TMEM220: variants seen among roughly 807,000 people sequenced by gnomAD.
TMEM220 encodes transmembrane protein 220.
In TMEM220, 21 loss-of-function variants were observed where a neutral mutation model predicts 21.7. The observed-to-expected ratio is 0.97, with a 90% CI of 0.69 to 1.39. The LOEUF (loss-of-function observed/expected upper bound fraction) is 1.39. TMEM220 is among the 40% of genes most tolerant of loss of function. The probability of loss-of-function intolerance (pLI) is 0.00; values close to 1 mark genes in which losing one functional copy is unlikely to be tolerated. For missense variants in TMEM220, 191 were observed against 201.9 expected (o/e 0.95, Z 0.33); for synonymous variants, 80 against 73.6 (o/e 1.09, Z -0.45).
At chr17:10,721,879 T>C (rs990342961) in intron 5 of TMEM220, among the ~76,000 whole-genome samples, 2 of 152,148 alleles carry the variant, frequency 1.3e-5, no homozygotes, top group Non-Finnish European at 1.5e-5. Context: ...AATTGCAATA[T>C]TGTATTTCAT....
rs745652655 is a variant in TMEM220 at position 10,715,599 on chromosome 17, A to T, written c.348-11T>A. On this transcript the variant is annotated splice_polypyrimidine_tract_variant and intron_variant, in intron 5 of 5. Coordinates refer to ENST00000341871, the MANE Select transcript of TMEM220 (RefSeq NM_001004313.3). ...CCACCAACTGGATTCCTATAAAGAC[A>T]CAAAAATTATTATAAATAAAAATCA... is the stretch of plus-strand genomic sequence containing the variant. The T allele has an allele frequency of 3.2e-5, 50 of 1,557,462 alleles. No individual in the cohort carries two copies. Among genetic ancestry groups the T allele is most frequent in the Non-Finnish European group, 4.0e-5 (46 of 1,162,268 alleles).
chr17:10,728,933 T>C, intron 2 of TMEM220, 98 bp downstream of exon 2: 1 of 1,310,516 alleles, frequency 7.6e-7, no homozygotes, highest in Non-Finnish European at 1.1e-6. Context: ...TCTCAGAAAA[T>C]TAAGCAGGGA....
chr17:10,722,399 A>G (rs1010077665), intron 5 of TMEM220, among the ~76,000 whole-genome samples: 5 of 152,144 alleles, frequency 3.3e-5, no homozygotes, highest in African/African-American at 9.7e-5. Flanking sequence ...TTGGGTTTAA[A>G]TCTATATCTT....
chr17:10,712,061 T>C (rs554739700), downstream of TMEM220, among the ~76,000 whole-genome samples: 1 of 152,334 alleles, frequency 6.6e-6, no homozygotes, highest in South Asian at 2.1e-4. Context: ...CTTGTTCTCT[T>C]GCAGTTCTGG....
chr17:10,715,660 G>A, intron 5 of TMEM220, 72 bp from the exon 6 acceptor site: 1 of 1,144,226 alleles, frequency 8.7e-7, no homozygotes, highest in Non-Finnish European at 1.2e-6. Flanking sequence ...AGACTGAATT[G>A]ATAAAACACA....
chr17:10,714,641 G>C lies in TMEM220; in HGVS notation c.*812C>G, dbSNP rs942387025. ...ATAAGATTAGTTTAGGGCTGGACTG[G>C]GCATGGTGGCTCACACCTGTAATCC... On this transcript the variant is annotated 3_prime_UTR_variant, in exon 6 of 6. Coordinates refer to ENST00000341871, the MANE Select transcript of TMEM220 (RefSeq NM_001004313.3). The C allele has an allele frequency of 6.6e-6, 1 of 152,444 alleles. No individual in the cohort carries two copies. Among genetic ancestry groups the C allele is most frequent in the African/African-American group, 2.4e-5 (1 of 41,424 alleles). 9.4% of individuals were successfully genotyped at this position (152,444 alleles called of 1,614,324 possible). A position where few individuals can be genotyped will look rare whatever the true frequency, so the allele number is the denominator to read the frequency against.
At chr17:10,718,578 ATGTT>A (rs1254125089) in intron 5 of TMEM220, among the ~76,000 whole-genome samples, 2 of 152,042 alleles carry the variant, frequency 1.3e-5, no homozygotes, top group Non-Finnish European at 2.9e-5. Flanking sequence ...TTATGTCTAT[ATGTT>A]TCCCTCTAAG....
chr17:10,711,319 C>T, downstream of TMEM220: 1 of 633,350 alleles, frequency 1.6e-6, no homozygotes, highest in Non-Finnish European at 2.7e-6. Context: ...GATCATGTAT[C>T]CATTGTAAGT....
chr17:10,715,668 A>G (rs536151435), intron 5 of TMEM220, 80 bp from the exon 6 acceptor site: 3 of 1,056,894 alleles, frequency 2.8e-6, no homozygotes, highest in African/African-American at 3.3e-5. Flanking sequence ...TTGATAAAAC[A>G]CATAATTACA....
Position 10,715,227 on chromosome 17 carries a change from T to C in TMEM220, c.*226A>G. The C allele has an allele frequency of 2.7e-6, 1 of 366,098 alleles. No individual in the cohort carries two copies. Among genetic ancestry groups the C allele is most frequent in the South Asian group, 5.2e-5 (1 of 19,146 alleles). 22.7% of individuals were successfully genotyped at this position (366,098 alleles called of 1,614,324 possible). ...ACTTCTATTCTCTAGCCTTTTCCAC[T>C]ACATTATGACACAAGACCCTGCAGA... On this transcript the variant is annotated 3_prime_UTR_variant, in exon 6 of 6. Coordinates refer to ENST00000341871, the MANE Select transcript of TMEM220 (RefSeq NM_001004313.3).
In TMEM220 at chr17:10,715,485, A is replaced by G. The variant is rs1255861101; in HGVS notation, c.451T>C (p.Ser151Pro). ...YIYINKEMRSSWPTHCKTVI is the reference protein window; with the variant it reads ...YIYINKEMRSPWPTHCKTVI ...ACTGTCTTGCAGTGAGTTGGCCAAG[A>G]GGACCGCATTTCCTTGTTAATATAT... Residue 151 changes from serine to proline, a missense_variant, in exon 6 of 6, where the codon TCT (serine) becomes CCT (proline). Transcript: ENST00000341871. The G allele has an allele frequency of 6.3e-7, 1 of 1,597,262 alleles. No homozygotes were observed. Among genetic ancestry groups the G allele is most frequent in the South Asian group, 1.2e-5 (1 of 86,128 alleles).
intron 2 of TMEM220, among the ~76,000 whole-genome samples, chr17:10,727,342 G>C (rs1218962660): frequency 6.6e-6 from 1 of 152,048 alleles, no homozygotes; most frequent in Non-Finnish European, 1.5e-5. Context: ...GGCTCTCCAA[G>C]GCAGTGGTAA....
rs150176331 is a variant in TMEM220, at chr17:10,726,259, C to T, written c.108G>A (p.Val36=). 1.5e-4 allele frequency: 241 copies of T among 1,613,694 alleles called. No individual in the cohort carries two copies. The highest frequency in any genetic ancestry group is 3.3e-4 in the Middle Eastern group (2 of 6,084). ...GGGTCAGTACTGCAGGGATTGTGTA[C>T]ACCACCTGTTAGCAAAAAGGGAGGA... is the stretch of plus-strand genomic sequence containing the variant. ...NDPDAEVWVV[V]YTIPAVLTLL... is the part of the protein sequence containing the mutation. The change falls in exon 3 of 6, where the codon GTG becomes GTA. Residue 36 remains valine, a synonymous_variant. Transcript: ENST00000341871.
intron 2 of TMEM220, among the ~76,000 whole-genome samples, chr17:10,727,153 A>G (rs2075057862): frequency 6.6e-6 from 1 of 151,474 alleles, no homozygotes; most frequent in South Asian, 2.1e-4. Flanking sequence ...CTATAGAGAT[A>G]AGCAATTAGA....
rs1468665602 is a variant in TMEM220 at position 10,714,359 on chromosome 17, A to G, written c.*1094T>C. 1.3e-5 allele frequency: 2 copies of G among 151,882 alleles called. No homozygotes were observed. The highest frequency in any genetic ancestry group is 2.9e-5 in the Non-Finnish European group (2 of 67,954). The allele number at this position is 151,882 out of a possible 1,614,324, so 9.4% of individuals were successfully genotyped here. A position where few individuals can be genotyped will look rare whatever the true frequency, so the allele number is the denominator to read the frequency against. On this transcript the variant is annotated 3_prime_UTR_variant, in exon 6 of 6. Transcript: ENST00000341871. ...ATTGTAAGTTTTCCAATAATCAAGT[A>G]TCCATTTTTAAATGAAAATGGAAAT...
chr17:10,729,820 C>A lies in TMEM220; in HGVS notation c.32G>T (p.Gly11Val). The A allele has an allele frequency of 2.1e-6, 3 of 1,398,406 alleles. No homozygotes were observed. In the South Asian group the frequency reaches 4.5e-5, roughly 21 times the overall value. 86.6% of individuals were successfully genotyped at this position (1,398,406 alleles called of 1,614,324 possible). Reference protein sequence around the residue: MAPALWRACNGLMAAFFALAA... With the variant: MAPALWRACNVLMAAFFALAA... ...CAGCGCGAAGAAGGCGGCCATGAGT[C>A]CGTTGCAGGCCCGCCACAGCGCTGG... is the stretch of plus-strand genomic sequence containing the variant. Residue 11 changes from glycine (G) to valine (V), a missense_variant, in exon 1 of 6, where the codon GGA becomes GTA. Gly to Val is a moderately radical substitution (Grantham distance 109, BLOSUM62 -3). Coordinates refer to ENST00000341871, the MANE Select transcript of TMEM220 (RefSeq NM_001004313.3).
rs116497896 is a variant in TMEM220, at chr17:10,715,475, G to C, written c.461C>G (p.Thr154Ser). 9.0e-3 allele frequency: 14,366 copies of C among 1,588,406 alleles called. 91 individuals are homozygous for C. The highest frequency in any genetic ancestry group is 0.026 in the African/African-American group (1,920 of 73,312). Residue 154 changes from threonine to serine, a missense_variant, in exon 6 of 6, where the codon ACT (threonine) becomes AGT (serine). Transcript: ENST00000341871. ...INKEMRSSWPTHCKTVI is the reference protein window; with the variant it reads ...INKEMRSSWPSHCKTVI ...TATTTAAATTACTGTCTTGCAGTGA[G>C]TTGGCCAAGAGGACCGCATTTCCTT...
intron 5 of TMEM220, among the ~76,000 whole-genome samples, chr17:10,721,619 AG>A (rs1228581836): frequency 0.42 from 52,969 of 126,524 alleles, 12,787 homozygotes; most frequent in African/African-American, 0.56. Context: ...AAAAAAAAAA[AG>A]AAAAAAAGAA....
Position 10,715,523 on chromosome 17 carries a change from G to C in TMEM220, c.413C>G (p.Ser138Ter). The C allele has an allele frequency of 6.2e-7, 1 of 1,605,818 alleles. No homozygotes were observed. The highest frequency in any genetic ancestry group is 8.5e-7 in the Non-Finnish European group (1 of 1,177,586). Residue 138 changes from serine (S) to a stop codon, truncating the protein, a stop_gained, in exon 6 of 6, where the codon TCA (serine) becomes TGA (stop). Transcript: ENST00000341871. LOFTEE classifies it high-confidence loss of function. ...AIVITLFPFI[S>*]WVYIYINKEM... Reference sequence around the variant, plus strand: ...CTTGTTAATATATATGTAGACCCATGAGATAAATGGGAAAAGTGTGATTAC... The same window carrying C: ...CTTGTTAATATATATGTAGACCCATCAGATAAATGGGAAAAGTGTGATTAC...
Sources: allele counts gnomAD v4.1 joint callset (sites outside exome capture counted in the v4.1 genomes callset), GRCh38; gene constraint gnomAD v4.1.1; transcripts MANE v1.5; gene names NCBI Gene and HGNC (gene_info 2026-07-23, HGNC 2026-07-21).